SYTL5: variants seen among roughly 807,000 people sequenced by gnomAD.
The protein encoded by SYTL5 is synaptotagmin-like protein 5.
Under a neutral mutation model 55.9 loss-of-function variants are expected in SYTL5, and 34 were observed. The observed-to-expected ratio is 0.61, with a 90% CI of 0.46 to 0.81. SYTL5 has a LOEUF of 0.81. Among genes scored for constraint, SYTL5 ranks in the 30% least tolerant of loss-of-function variants. The pLI is 0.00. For synonymous variants in SYTL5, 221 were observed against 188.7 expected (o/e 1.17, Z -1.40); for missense variants, 637 against 546.7 (o/e 1.17, Z -1.65).
At chrX:37,993,016 T>C in the SYTL5 span, among the ~76,000 whole-genome samples, 2 of 110,553 alleles carry the variant, frequency 1.8e-5, no homozygotes, top group Non-Finnish European at 3.8e-5. Context: ...AAAAAAAAAC[T>C]GTTCTCCTCT....
chrX:38,077,873 A>G (rs1051028784), intron 6 of SYTL5, among the ~76,000 whole-genome samples: 4 of 111,401 alleles, frequency 3.6e-5, no homozygotes, highest in African/African-American at 1.3e-4. Context: ...ACTTTCTATA[A>G]ACATCTCATT....
Position 38,108,649 on chromosome X carries a change from A to G in SYTL5, c.1384A>G (p.Lys462Glu). The change falls in exon 12 of 17, where the codon AAG becomes GAG. Residue 462 changes from lysine (K) to glutamate (E), a missense_variant. Physicochemically the swap from Lys to Glu is moderately conservative, Grantham distance 56. Coordinates refer to ENST00000297875, the MANE Select transcript of SYTL5 (RefSeq NM_138780.3). ...TGACAAGTCCCGGAACAACAAGCGT[A>G]AGACCAAAATCAGAACAGGCACCAA... ...LPDKSRNNKR[K>E]TKIRTGTNPE... 1 of 1,204,945 alleles carries G rather than the reference A, an allele frequency of 8.3e-7. No individual in the cohort carries two copies. The highest frequency in any genetic ancestry group is 1.1e-6 in the Non-Finnish European group (1 of 891,178).
chrX:37,909,898 T>A, the SYTL5 span, among the ~76,000 whole-genome samples: 1 of 110,346 alleles, frequency 9.1e-6, no homozygotes, highest in East Asian at 2.8e-4. Context: ...TGGTCTCCAA[T>A]TCCTGACCTC....
At chrX:37,951,635 G>T in the SYTL5 span, among the ~76,000 whole-genome samples, 1 of 110,909 alleles carries the variant, frequency 9.0e-6, no homozygotes, top group Admixed American at 9.7e-5. Context: ...TTAAGGAGAG[G>T]CCCAGGGATT....
intron 13 of SYTL5, among the ~76,000 whole-genome samples, chrX:38,115,361 G>C (rs1306764242): frequency 9.7e-6 from 1 of 102,755 alleles, no homozygotes; most frequent in East Asian, 2.9e-4. Context: ...GCGGGCGCCT[G>C]TAGTCCCAGC....
the SYTL5 span, among the ~76,000 whole-genome samples, chrX:37,969,874 T>C: frequency 8.9e-6 from 1 of 112,031 alleles, no homozygotes; most frequent in African/African-American, 3.2e-5. Context: ...CCTCAGGTGA[T>C]CCACCAGCCT....
intron 2 of SYTL5, among the ~76,000 whole-genome samples, chrX:38,041,282 G>A (rs1482523249): frequency 8.9e-6 from 1 of 112,215 alleles, no homozygotes; most frequent in Non-Finnish European, 1.9e-5. Flanking sequence ...GGGAGTCTAA[G>A]CGCCAAGCAA....
chrX:38,029,855 C>A (rs956927301), intron 1 of SYTL5, among the ~76,000 whole-genome samples: 15 of 111,991 alleles, frequency 1.3e-4, no homozygotes, highest in African/African-American at 4.9e-4. Context: ...ATATCTCACA[C>A]ACACACACAA....
At chrX:37,964,392 C>T in the SYTL5 span, among the ~76,000 whole-genome samples, 1 of 112,173 alleles carries the variant, frequency 8.9e-6, no homozygotes, top group Admixed American at 9.5e-5. Context: ...GTGTGTATCA[C>T]ATTTATTGAT....
chrX:37,923,347 C>T, the SYTL5 span, among the ~76,000 whole-genome samples: 1 of 111,504 alleles, frequency 9.0e-6, no homozygotes, highest in Non-Finnish European at 1.9e-5. Flanking sequence ...TAATCTCTCA[C>T]CTGCTTGGTT....
At position 38,127,285 on chromosome X, in the gene SYTL5, G is replaced by A. The variant is rs891654963; in HGVS notation, c.*555G>A. ...AAGATGGATTGACAGGGCTTTCTAT[G>A]ATTACTATAGAATTTATCATCTAAA... On this transcript the variant is annotated 3_prime_UTR_variant, in exon 17 of 17. Coordinates refer to ENST00000297875, the MANE Select transcript of SYTL5 (RefSeq NM_138780.3). 1 of 112,007 alleles carries A rather than the reference G, an allele frequency of 8.9e-6. No individual in the cohort carries two copies. The highest frequency in any genetic ancestry group is 1.9e-5 in the Non-Finnish European group (1 of 53,291). The allele number at this position is 112,007 out of a possible 1,213,427, so 9.2% of individuals were successfully genotyped here.
chrX:38,119,093 C>T (rs1233869763), intron 13 of SYTL5, among the ~76,000 whole-genome samples: 2 of 109,863 alleles, frequency 1.8e-5, no homozygotes, highest in Admixed American at 1.9e-4. Context: ...GGATTACAGG[C>T]ATGAGCCACT....
the SYTL5 span, among the ~76,000 whole-genome samples, chrX:37,967,015 A>C: frequency 1.8e-5 from 2 of 111,401 alleles, no homozygotes; most frequent in Non-Finnish European, 1.9e-5. Flanking sequence ...TCACTTTTGA[A>C]GAATAGTTTT....
At chrX:38,097,464 A>G (rs956192865) in intron 9 of SYTL5, among the ~76,000 whole-genome samples, 4 of 111,095 alleles carry the variant, frequency 3.6e-5, no homozygotes, top group African/African-American at 6.5e-5. Context: ...TCATAATAGC[A>G]TGAAAAATAT....
At chrX:38,067,389 A>G (rs1253921563) in intron 3 of SYTL5, among the ~76,000 whole-genome samples, 1 of 110,853 alleles carries the variant, frequency 9.0e-6, no homozygotes, top group East Asian at 2.8e-4. Flanking sequence ...TATCAAAAAA[A>G]AAAAAAAGAT....
chrX:38,095,389 A>T (rs947934102), intron 8 of SYTL5, among the ~76,000 whole-genome samples: 1 of 111,518 alleles, frequency 9.0e-6, no homozygotes, highest in Non-Finnish European at 1.9e-5. Context: ...ATCAATTCAA[A>T]CTTAAGTACT....
rs1936396035 is a variant in SYTL5, at chrX:38,076,610, A to G, written c.598A>G (p.Ile200Val). ...KFRSATRGEI[I>V]TPKTDTGRSY... ...CAGATCGGCAACCAGAGGAGAAATC[A>G]TAACTCCCAAAACTGACACTGGGCG... Residue 200 changes from isoleucine (I) to valine (V), a missense_variant, in exon 6 of 17, where the codon ATA becomes GTA. Coordinates refer to ENST00000297875, the MANE Select transcript of SYTL5 (RefSeq NM_138780.3). 1 of 1,209,486 alleles carries G rather than the reference A, an allele frequency of 8.3e-7. No homozygotes were observed. The highest frequency in any genetic ancestry group is 1.1e-6 in the Non-Finnish European group (1 of 893,401).
At chrX:38,102,561 C>A in intron 10 of SYTL5, 127 bp downstream of exon 10, 5 of 483,893 alleles carry the variant, frequency 1.0e-5, no homozygotes. Flanking sequence ...ATTGTAAGAT[C>A]CTGCTTGCCC....
At chrX:38,085,679 C>T (rs185716265) in intron 6 of SYTL5, among the ~76,000 whole-genome samples, 1 of 111,729 alleles carries the variant, frequency 9.0e-6, no homozygotes, top group Admixed American at 9.5e-5. Context: ...TAGGATCTCT[C>T]AGGTTCGTGC....
Sources: gnomAD v4.1 joint callset for allele counts (sites outside exome capture counted in the v4.1 genomes callset) on GRCh38, gnomAD v4.1.1 for gene constraint, MANE v1.5 for transcripts, NCBI Gene and HGNC (gene_info 2026-07-23, HGNC 2026-07-21) for gene names.